The following ANKAR variants were observed in gnomAD, a reference collection of about 807,000 sequenced individuals.
ANKAR encodes ankyrin and armadillo repeat-containing protein.
A neutral mutation model predicts 146.2 loss-of-function variants in ANKAR; 136 were observed. That is an observed-to-expected ratio of 0.93 (90% CI 0.81 to 1.07). ANKAR has a LOEUF of 1.07. ANKAR is among the 50% of genes least tolerant of loss of function. The pLI is 0.00. For synonymous variants in ANKAR, 500 were observed against 575.8 expected (o/e 0.87, Z 1.88); for missense variants, 1,567 against 1,679.9 (o/e 0.93, Z 1.18).
intron 11 of ANKAR, 93 bp from the exon 12 acceptor site, chr2:189,720,526 G>C (rs567872013): frequency 5.7e-6 from 5 of 869,704 alleles, no homozygotes. Context: ...GATTACAGGC[G>C]TGAGCCACCA....
intron 17 of ANKAR, among the ~76,000 whole-genome samples, chr2:189,736,695 C>A (rs1312901254): frequency 6.6e-6 from 1 of 151,918 alleles, no homozygotes; most frequent in Non-Finnish European, 1.5e-5. Context: ...ATTTTTGATG[C>A]AAATTTCAAG....
At chr2:189,732,531 C>T (rs1269833758) in intron 16 of ANKAR, among the ~76,000 whole-genome samples, 3 of 151,772 alleles carry the variant, frequency 2.0e-5, no homozygotes, top group Non-Finnish European at 4.4e-5. Context: ...CGTGGTAGTG[C>T]GCACCTGTAA....
At chr2:189,727,294 T>C (rs2041977272) in intron 12 of ANKAR, among the ~76,000 whole-genome samples, 1 of 152,152 alleles carries the variant, frequency 6.6e-6, no homozygotes, top group Non-Finnish European at 1.5e-5. Context: ...ACTCTGATTA[T>C]GGAAGGCTAA....
intron 18 of ANKAR, among the ~76,000 whole-genome samples, chr2:189,756,158 AAC>A (rs1201689938): frequency 4.6e-5 from 7 of 152,232 alleles, no homozygotes; most frequent in African/African-American, 1.7e-4. Context: ...TTTATTTTAA[AAC>A]ACATTCCACT....
At chr2:189,704,988 C>G in intron 7 of ANKAR, 35 bp from the exon 8 acceptor site, 4 of 1,592,998 alleles carry the variant, frequency 2.5e-6, no homozygotes, top group Non-Finnish European at 3.4e-6. Flanking sequence ...AATGGTAGTG[C>G]TGTGATCACT....
chr2:189,694,890 C>G, intron 5 of ANKAR, 91 bp from the exon 6 acceptor site: 1 of 774,456 alleles, frequency 1.3e-6, no homozygotes, highest in Non-Finnish European at 1.9e-6. Flanking sequence ...TTAATTGTTA[C>G]AGAAAAATAA....
chr2:189,761,076 T>A (rs1261355944), intron 18 of ANKAR: 2 of 113,156 alleles, frequency 1.8e-5, no homozygotes, highest in Non-Finnish European at 4.3e-5. Flanking sequence ...TGAATAGGAT[T>A]TTTTTTTTCA....
rs1405757897 is a variant in ANKAR, at chr2:189,719,741, A to C, written c.2394A>C (p.Glu798Asp). Residue 798 changes from glutamate to aspartate, a missense_variant, in exon 11 of 23, where the codon GAA becomes GAC. Transcript: ENST00000684021. ...LINLLVCDEP[E>D]VHSRCAVILY... ...ACCTACTGGTTTGTGATGAGCCTGA[A>C]GTACACTCTCGCTGTGCTGTCATTC... 3 of 1,613,804 alleles carry C rather than the reference A, an allele frequency of 1.9e-6. No homozygotes were observed. The highest frequency in any genetic ancestry group is 2.5e-6 in the Non-Finnish European group (3 of 1,179,706).
At chr2:189,721,828 T>C (rs1160570323) in intron 12 of ANKAR, among the ~76,000 whole-genome samples, 1 of 152,164 alleles carries the variant, frequency 6.6e-6, no homozygotes, top group Non-Finnish European at 1.5e-5. Flanking sequence ...AAATACAAAA[T>C]AAATATATTG....
chr2:189,706,853 A>C (rs1365396777), intron 8 of ANKAR, 85 bp from the exon 9 acceptor site: 10 of 961,378 alleles, frequency 1.0e-5, no homozygotes, highest in Non-Finnish European at 1.6e-5. Flanking sequence ...AAGTCAGACT[A>C]CCTCCAATTG....
rs768955708 is a variant in ANKAR at position 189,754,076 on chromosome 2, A to T, written c.*585-7022A>T. 5.6e-6 allele frequency: 9 copies of T among 1,612,200 alleles called. No homozygotes were observed. In the East Asian group the frequency reaches 8.9e-5, roughly 16 times the overall value. On this transcript the variant is annotated intron_variant and NMD_transcript_variant, in intron 18 of 18. Transcript: ENST00000441800. ...CCCCTTCTCAATACCTGCAGAAATG[A>T]GCAGCTATTTTTAGGCACAATCCAG...
At chr2:189,755,663 T>G in intron 18 of ANKAR, 2 of 1,244,430 alleles carry the variant, frequency 1.6e-6, no homozygotes, top group Non-Finnish European at 2.2e-6. Flanking sequence ...ATTATATAGC[T>G]GAGTAAGTCA....
intron 21 of ANKAR, among the ~76,000 whole-genome samples, chr2:189,743,767 A>G (rs114296202): frequency 0.014 from 2,062 of 152,308 alleles, 25 homozygotes; most frequent in Middle Eastern, 0.027. Flanking sequence ...ATCTGATTCA[A>G]GAAGTCACTT....
At chr2:189,748,029 G>A (rs1032092634), downstream of ANKAR, among the ~76,000 whole-genome samples, 3 of 152,066 alleles carry the variant, frequency 2.0e-5, no homozygotes, top group Non-Finnish European at 2.9e-5. Context: ...TCCACTTGCT[G>A]AATTGCCTCC....
intron 16 of ANKAR, among the ~76,000 whole-genome samples, chr2:189,732,761 A>G (rs763179290): frequency 1.3e-5 from 2 of 152,124 alleles, no homozygotes; most frequent in African/African-American, 2.4e-5. Flanking sequence ...ATCCATGTCA[A>G]AAAATTAAAA....
chr2:189,727,750 T>C (rs2042033500), intron 12 of ANKAR, 106 bp from the exon 13 acceptor site: 1 of 1,360,354 alleles, frequency 7.4e-7, no homozygotes, highest in African/African-American at 1.5e-5. Context: ...TTCTCTAAGC[T>C]TTTTATAAAT....
intron 10 of ANKAR, 26 bp downstream of exon 10, chr2:189,711,179 T>C: frequency 6.7e-7 from 1 of 1,481,684 alleles, no homozygotes; most frequent in Non-Finnish European, 9.4e-7. Context: ...TTAATAACTT[T>C]TTATGCTATT....
intron 10 of ANKAR, among the ~76,000 whole-genome samples, chr2:189,717,337 C>T (rs549528488): frequency 1.5e-4 from 23 of 152,206 alleles, no homozygotes; most frequent in Non-Finnish European, 2.6e-4. Context: ...CATGAAAAAA[C>T]GCTCATCATC....
At chr2:189,684,776 G>A (rs891005343) in intron 2 of ANKAR, among the ~76,000 whole-genome samples, 1 of 148,176 alleles carries the variant, frequency 6.7e-6, no homozygotes, top group Non-Finnish European at 1.5e-5. Flanking sequence ...GGCTGCTGCC[G>A]TGAGCCAAGA....
Sources: allele counts gnomAD v4.1 joint callset (sites outside exome capture counted in the v4.1 genomes callset), GRCh38; gene constraint gnomAD v4.1.1; transcripts MANE v1.5; gene names NCBI Gene and HGNC (gene_info 2026-07-23, HGNC 2026-07-21).